RIMS2: variants seen among roughly 807,000 people sequenced by gnomAD.
The protein encoded by RIMS2 is regulating synaptic membrane exocytosis 2.
Under a neutral mutation model 174.4 loss-of-function variants are expected in RIMS2, and 59 were observed. The ratio of observed to expected loss-of-function variants is 0.34; its 90% CI spans 0.27 to 0.42. The LOEUF (loss-of-function observed/expected upper bound fraction) is 0.42, where lower values mean the gene tolerates loss of function less well. Ranked by LOEUF, RIMS2 falls within the 10% of genes least tolerant of loss-of-function variation. RIMS2 has a pLI of 1.00. For synonymous variants in RIMS2, 606 were observed against 572.5 expected, an observed-to-expected ratio of 1.06 and a Z score of -0.84; for missense variants, 1,620 against 1,666.3, an observed-to-expected ratio of 0.97 and a Z score of 0.48.
At chr8:103,741,559 C>G (rs1460715463) in intron 2 of RIMS2, among the ~76,000 whole-genome samples, 2 of 152,018 alleles carry the variant, frequency 1.3e-5, no homozygotes, top group East Asian at 3.9e-4. Context: ...GTCATTCTGT[C>G]TGTTTCTGGG....
chr8:103,739,535 CATAAA>C (rs958299420), intron 2 of RIMS2, among the ~76,000 whole-genome samples: 1 of 152,008 alleles, frequency 6.6e-6, no homozygotes, highest in African/African-American at 2.4e-5. Context: ...TAATATAAAA[CATAAA>C]ATAAACTTCA....
At position 103,959,338 on chromosome 8, in the gene RIMS2, C is replaced by G. The variant is rs114888638; in HGVS notation, c.2702-1727C>G. Among the ~76,000 whole-genome samples the G allele has an allele frequency of 9.4e-3, 1,427 of 152,102 alleles. 22 individuals carry two copies. The highest frequency in any genetic ancestry group is 0.034 in the African/African-American group (1,392 of 41,508). ...TATCATAAATAGGGACATGTTATTA[C>G]TATTTTTATACTCTGCTTTCTGTCT... On this transcript the variant is annotated intron_variant, in intron 14 of 23. Coordinates refer to ENST00000504942, the Ensembl canonical transcript of RIMS2.
At chr8:103,589,480 G>A (rs117033273) in intron 1 of RIMS2, among the ~76,000 whole-genome samples, 4,530 of 151,612 alleles carry the variant, frequency 0.03, 75 homozygotes, top group African/African-American at 0.046. Context: ...ACTGTTGGTG[G>A]GAATTTAAAT....
At chr8:103,713,953 C>G (rs1201989832) in intron 2 of RIMS2, among the ~76,000 whole-genome samples, 12 of 152,124 alleles carry the variant, frequency 7.9e-5, no homozygotes, top group Non-Finnish European at 4.4e-5. Context: ...ACTCCCAGTC[C>G]ACAATTCTTA....
intron 19 of RIMS2, among the ~76,000 whole-genome samples, chr8:104,058,328 A>G (rs1326932809): frequency 6.8e-6 from 1 of 147,150 alleles, no homozygotes; most frequent in African/African-American, 2.5e-5. Context: ...AGTGATGATG[A>G]GCATTTTTTC....
chr8:104,041,421 A>C (rs1681950538), intron 19 of RIMS2, 63 bp downstream of exon 22: 1 of 651,292 alleles, frequency 1.5e-6, no homozygotes, highest in Non-Finnish European at 2.8e-6. Flanking sequence ...GAAATGTTTA[A>C]TCATTTTTTT....
intron 1 of RIMS2, among the ~76,000 whole-genome samples, chr8:103,651,823 C>T (rs1486382429): frequency 6.6e-6 from 1 of 151,580 alleles, no homozygotes; most frequent in Non-Finnish European, 1.5e-5. Flanking sequence ...ATATTTATGC[C>T]TTTACTTCAA....
intron 15 of RIMS2, among the ~76,000 whole-genome samples, chr8:103,973,479 A>T (rs936905987): frequency 6.6e-6 from 1 of 152,238 alleles, no homozygotes; most frequent in Non-Finnish European, 1.5e-5. Context: ...TTAAAAAGTC[A>T]TGTTAAATTT....
At chr8:104,051,027 A>C (rs1597783415) in intron 19 of RIMS2, among the ~76,000 whole-genome samples, 1 of 152,132 alleles carries the variant, frequency 6.6e-6, no homozygotes, top group South Asian at 2.1e-4. Context: ...ACTTGCGTCC[A>C]GGAGTTTGAG....
At chr8:103,800,649 C>T (rs550787800) in intron 3 of RIMS2, among the ~76,000 whole-genome samples, 1 of 152,146 alleles carries the variant, frequency 6.6e-6, no homozygotes, top group Non-Finnish European at 1.5e-5. Flanking sequence ...TTTTCAAATG[C>T]TGCATCAACC....
intron 2 of RIMS2, among the ~76,000 whole-genome samples, chr8:103,751,934 A>G (rs1223223101): frequency 6.6e-6 from 1 of 152,128 alleles, no homozygotes; most frequent in Non-Finnish European, 1.5e-5. Flanking sequence ...TTTGCTGTGC[A>G]GAAGAAGCTC....
intron 1 of RIMS2, among the ~76,000 whole-genome samples, chr8:103,587,356 C>A (rs1737222791): frequency 6.7e-6 from 1 of 149,834 alleles, no homozygotes; most frequent in South Asian, 2.1e-4. Context: ...ACTCATTTTA[C>A]AAGTCCAGTA....
intron 1 of RIMS2, chr8:103,568,970 G>A: frequency 1.6e-6 from 1 of 637,666 alleles, no homozygotes; most frequent in Non-Finnish European, 2.8e-6. Context: ...ACAGCTGCAT[G>A]AGCTGATCAC....
At chr8:103,658,731 T>G (rs1386414308) in intron 1 of RIMS2, among the ~76,000 whole-genome samples, 1 of 152,072 alleles carries the variant, frequency 6.6e-6, no homozygotes, top group Non-Finnish European at 1.5e-5. Flanking sequence ...ACTCTTTTCA[T>G]GAAGTGTCCA....
chr8:103,733,585 G>C (rs1456234577), intron 2 of RIMS2, among the ~76,000 whole-genome samples: 1 of 152,192 alleles, frequency 6.6e-6, no homozygotes, highest in African/African-American at 2.4e-5. Context: ...TCTGAACTCA[G>C]GTTCTCACTG....
chr8:103,823,153 G>A (rs765982738), intron 3 of RIMS2, among the ~76,000 whole-genome samples: 7 of 151,842 alleles, frequency 4.6e-5, no homozygotes, highest in Non-Finnish European at 8.8e-5. Flanking sequence ...CACTGAATGT[G>A]TGACAGTGAA....
chr8:103,756,436 CTT>C (rs370592918), intron 2 of RIMS2, among the ~76,000 whole-genome samples: 16,305 of 123,778 alleles, frequency 0.13, 1,190 homozygotes, highest in Non-Finnish European at 0.19. Flanking sequence ...TCTTTTCTTT[CTT>C]TTTTTTTTTC....
At chr8:103,814,717 A>G (rs922021039) in intron 3 of RIMS2, among the ~76,000 whole-genome samples, 1 of 152,110 alleles carries the variant, frequency 6.6e-6, no homozygotes, top group African/African-American at 2.4e-5. Flanking sequence ...CATCTCTACA[A>G]GAAAATCAAA....
At chr8:103,643,885 G>C (rs1354857027) in intron 1 of RIMS2, among the ~76,000 whole-genome samples, 1 of 151,958 alleles carries the variant, frequency 6.6e-6, no homozygotes, top group African/African-American at 2.4e-5. Flanking sequence ...TACATTGAAG[G>C]CTAGAGGAGG....
Sources: gnomAD v4.1 joint callset for allele counts (sites outside exome capture counted in the v4.1 genomes callset) on GRCh38, gnomAD v4.1.1 for gene constraint, MANE v1.5 for transcripts, NCBI Gene and HGNC (gene_info 2026-07-23, HGNC 2026-07-21) for gene names.